ZNF713: variants seen among roughly 807,000 people sequenced by gnomAD.
ZNF713 encodes zinc finger protein 713.
In ZNF713, 21 loss-of-function variants were observed where a neutral mutation model predicts 28.7. That is an observed-to-expected ratio of 0.73 (90% CI 0.52 to 1.05). The LOEUF is 1.05. ZNF713 is among the 50% of genes least tolerant of loss of function. ZNF713 has a pLI of 0.00. For synonymous variants in ZNF713, 167 were observed against 178.0 expected, an observed-to-expected ratio of 0.94 and a Z score of 0.49; for missense variants, 458 against 532.4, an observed-to-expected ratio of 0.86 and a Z score of 1.37.
intron 2 of ZNF713, among the ~76,000 whole-genome samples, chr7:55,910,003 A>ATGTG (rs539040368): frequency 2.7e-5 from 4 of 147,710 alleles, no homozygotes; most frequent in Non-Finnish European, 4.5e-5. Flanking sequence ...ATATACGTTT[A>ATGTG]TGTGTGTGTG....
chr7:55,913,936 C>A (rs539492595), intron 4 of ZNF713, among the ~76,000 whole-genome samples: 7 of 152,018 alleles, frequency 4.6e-5, no homozygotes, highest in African/African-American at 1.4e-4. Context: ...TATGGTGAAA[C>A]CCTGTCTCTA....
At chr7:55,893,302 G>C (rs1312562600) in intron 1 of ZNF713, among the ~76,000 whole-genome samples, 1 of 152,172 alleles carries the variant, frequency 6.6e-6, no homozygotes, top group African/African-American at 2.4e-5. Flanking sequence ...GTATAAATAT[G>C]ATTGGACAAA....
chr7:55,906,921 A>T (rs1451352750), intron 2 of ZNF713, among the ~76,000 whole-genome samples: 1 of 152,208 alleles, frequency 6.6e-6, no homozygotes, highest in Non-Finnish European at 1.5e-5. Context: ...GAGGAGACCT[A>T]CTTTAGGTTT....
chr7:55,893,029 G>C (rs922044389), intron 1 of ZNF713, among the ~76,000 whole-genome samples: 1 of 148,704 alleles, frequency 6.7e-6, no homozygotes, highest in Non-Finnish European at 1.5e-5. Context: ...ACTACAGGCG[G>C]CCGCCACCAC....
rs1427474334 is a variant in ZNF713 at position 55,923,808 on chromosome 7, G to C, written c.307+109G>C. 8.3e-6 allele frequency: 6 copies of C among 724,492 alleles called. No homozygotes were observed. The South Asian group carries it at 1.3e-4, about 16-fold the overall frequency. The allele number at this position is 724,492 out of a possible 1,614,324, so 44.9% of individuals were successfully genotyped here. A position where few individuals can be genotyped will look rare whatever the true frequency, so the allele number is the denominator to read the frequency against. Reference sequence around the variant, plus strand: ...CCCTCTGGGATATAAGGAATACTAAGCCTTTTGAAAAAAATCAGTTCATAT... The same window carrying C: ...CCCTCTGGGATATAAGGAATACTAACCCTTTTGAAAAAAATCAGTTCATAT... On this transcript the variant is annotated intron_variant, in intron 6 of 6. Transcript: ENST00000429591.
At chr7:55,908,239 C>T (rs1016826328) in intron 2 of ZNF713, among the ~76,000 whole-genome samples, 1 of 146,528 alleles carries the variant, frequency 6.8e-6, no homozygotes, top group Non-Finnish European at 1.5e-5. Context: ...GTCTCCCAGG[C>T]TTAAGCGATT....
In ZNF713 at chr7:55,918,243, G is replaced by T. The variant is rs1158959151; in HGVS notation, c.88-4919G>T. The stretch of plus-strand genomic sequence containing the variant: ...GAAGCCCATATGGAGAGGAGCCAAG[G>T]CCCACAGCCCTAGCCGAGCTCCCAG... On this transcript the variant is annotated intron_variant, in intron 4 of 6. Transcript: ENST00000429591. The T allele has an allele frequency of 2.2e-5, 7 of 325,556 alleles. No individual in the cohort carries two copies. In the Admixed American group the frequency reaches 2.5e-4, roughly 11 times the overall value. 20.2% of individuals were successfully genotyped at this position (325,556 alleles called of 1,614,324 possible).
Position 55,923,264 on chromosome 7 carries a change from A to T in ZNF713, c.190A>T (p.Asn64Tyr), listed in dbSNP as rs1219220152. 1.2e-6 allele frequency: 2 copies of T among 1,613,100 alleles called. No individual in the cohort carries two copies. Among genetic ancestry groups the T allele is most frequent in the Non-Finnish European group, 1.7e-6 (2 of 1,179,644 alleles). The change falls in exon 5 of 7, where the codon AAC (asparagine) becomes TAC (tyrosine). Residue 64 changes from asparagine (N) to tyrosine (Y), a missense_variant. Transcript: ENST00000429591. ...CCTCTATCGAGACGTGATGCTGGAGAACTACAGGAATCTAGTTGCACTGGG... is the reference window on the plus strand; with the variant it reads ...CCTCTATCGAGACGTGATGCTGGAGTACTACAGGAATCTAGTTGCACTGGG... ...KNLYRDVMLE[N>Y]YRNLVALGYQ...
chr7:55,919,210 C>G (rs544262006), intron 4 of ZNF713, among the ~76,000 whole-genome samples: 12 of 152,308 alleles, frequency 7.9e-5, no homozygotes, highest in African/African-American at 2.4e-4. Flanking sequence ...TCATTCACAT[C>G]TGTCCAAGCA....
intron 1 of ZNF713, among the ~76,000 whole-genome samples, chr7:55,903,394 G>A (rs902938834): frequency 6.6e-6 from 1 of 152,060 alleles, no homozygotes; most frequent in Non-Finnish European, 1.5e-5. Context: ...CCATGGCCGG[G>A]TGTGGTGGCT....
At chr7:55,888,016 C>G (rs1290109791) in intron 1 of ZNF713, among the ~76,000 whole-genome samples, 1 of 151,862 alleles carries the variant, frequency 6.6e-6, no homozygotes, top group African/African-American at 2.4e-5. Flanking sequence ...CTTACCCGTT[C>G]CAATATTATA....
In ZNF713 at chr7:55,923,281, T is replaced by C; in HGVS notation, c.207T>C (p.Val69=). Residue 69 remains valine (V), a synonymous_variant, in exon 5 of 7, where the codon GTT becomes GTC. Transcript: ENST00000429591. The part of the protein sequence containing the change: ...DVMLENYRNL[V]ALGYQLCKPE... Reference sequence around the variant, plus strand: ...TGCTGGAGAACTACAGGAATCTAGTTGCACTGGGTGAGGATGGCATCCCTG... The same window carrying C: ...TGCTGGAGAACTACAGGAATCTAGTCGCACTGGGTGAGGATGGCATCCCTG... 4 of 1,611,574 alleles carry C rather than the reference T, an allele frequency of 2.5e-6. No homozygotes were observed. The highest frequency in any genetic ancestry group is 3.4e-6 in the Non-Finnish European group (4 of 1,179,080).
At chr7:55,925,437 A>G (rs564887261) in intron 6 of ZNF713, among the ~76,000 whole-genome samples, 1 of 152,270 alleles carries the variant, frequency 6.6e-6, no homozygotes, top group Non-Finnish European at 1.5e-5. Context: ...CCTGGCCAAC[A>G]TGGTGAAACC....
chr7:55,931,597 T>TCTC (rs1164251368), intron 6 of ZNF713, among the ~76,000 whole-genome samples: 1 of 146,796 alleles, frequency 6.8e-6, no homozygotes, highest in Admixed American at 6.7e-5. Context: ...TCTTTCCCTC[T>TCTC]CTCCTCTCCC....
At chr7:55,902,503 A>G (rs994173842) in intron 1 of ZNF713, among the ~76,000 whole-genome samples, 5 of 152,186 alleles carry the variant, frequency 3.3e-5, no homozygotes, top group Admixed American at 3.3e-4. Flanking sequence ...ACTATTGTAA[A>G]GACGAATTTT....
chr7:55,904,232 C>T (rs1785636350), intron 1 of ZNF713, among the ~76,000 whole-genome samples: 1 of 113,942 alleles, frequency 8.8e-6, no homozygotes, highest in South Asian at 2.5e-4. Context: ...CAGGCCGAGG[C>T]GGGTGGATCA....
At chr7:55,887,848 C>A (rs1317522303) in intron 1 of ZNF713, among the ~76,000 whole-genome samples, 168 bp downstream of exon 1, 802 of 3,442 alleles carry the variant, frequency 0.23, 257 homozygotes, top group Middle Eastern at 0.5. Flanking sequence ...CGGGCGGCGG[C>A]GGCGGCGGGC....
rs1359556186 is a variant in ZNF713 at position 55,939,996 on chromosome 7, G to A, written c.1322G>A (p.Ser441Asn). ...EQTVRHSPSFSST is the reference protein window; with the variant it reads ...EQTVRHSPSFNST Reference sequence around the variant, plus strand: ...ACTGTTCGCCACAGTCCTTCATTTAGCAGCACATAACTTATGGTGGGGGAA... The same window carrying A: ...ACTGTTCGCCACAGTCCTTCATTTAACAGCACATAACTTATGGTGGGGGAA... Residue 441 changes from serine (S) to asparagine (N), a missense_variant, in exon 7 of 7, where the codon AGC becomes AAC. Transcript: ENST00000429591. The A allele has an allele frequency of 1.3e-6, 2 of 1,581,432 alleles. No individual in the cohort carries two copies. The highest frequency in any genetic ancestry group is 1.7e-6 in the Non-Finnish European group (2 of 1,162,514).
chr7:55,930,396 C>T (rs1786186671), intron 6 of ZNF713, among the ~76,000 whole-genome samples: 1 of 152,200 alleles, frequency 6.6e-6, no homozygotes, highest in Non-Finnish European at 1.5e-5. Context: ...CTAGACCAGT[C>T]ATGGGGCTTC....
Sources: gnomAD v4.1 joint callset for allele counts (sites outside exome capture counted in the v4.1 genomes callset) on GRCh38, gnomAD v4.1.1 for gene constraint, MANE v1.5 for transcripts, NCBI Gene and HGNC (gene_info 2026-07-23, HGNC 2026-07-21) for gene names.